The following ZC3H12B variants were observed in gnomAD, a reference collection of about 807,000 sequenced individuals.
ZC3H12B encodes probable ribonuclease ZC3H12B.
Under a neutral mutation model 43.9 loss-of-function variants are expected in ZC3H12B, and 7 were observed. The observed-to-expected ratio is 0.16, with a 90% CI of 0.09 to 0.30. The LOEUF (loss-of-function observed/expected upper bound fraction) is 0.30. Among genes scored for constraint, ZC3H12B ranks in the 10% least tolerant of loss-of-function variants. ZC3H12B has a pLI of 1.00. For missense variants in ZC3H12B, 475 were observed against 670.2 expected (o/e 0.71, Z 3.22); for synonymous variants, 222 against 241.7 (o/e 0.92, Z 0.76).
chrX:65,255,300 A>G, the ZC3H12B span, among the ~76,000 whole-genome samples: 1 of 111,822 alleles, frequency 8.9e-6, no homozygotes, highest in African/African-American at 3.3e-5. Context: ...TAAGTCAGCT[A>G]GAGAGAAGAG....
At chrX:65,337,296 G>C in the ZC3H12B span, among the ~76,000 whole-genome samples, 2 of 111,888 alleles carry the variant, frequency 1.8e-5, no homozygotes, top group Non-Finnish European at 3.8e-5. Flanking sequence ...TCCCAATCTA[G>C]ACCCCATGAG....
At chrX:65,172,711 G>C in the ZC3H12B span, among the ~76,000 whole-genome samples, 2 of 111,829 alleles carry the variant, frequency 1.8e-5, no homozygotes, top group Non-Finnish European at 3.8e-5. Context: ...TTTCTGTCAG[G>C]TTTGTCAAAG....
the ZC3H12B span, among the ~76,000 whole-genome samples, chrX:65,181,235 C>T: frequency 0.14 from 15,929 of 111,136 alleles, 2,729 homozygotes; most frequent in African/African-American, 0.49. Flanking sequence ...CTTTTTATAC[C>T]TTATGCAAAA....
chrX:65,156,733 C>T, the ZC3H12B span, among the ~76,000 whole-genome samples: 1 of 110,638 alleles, frequency 9.0e-6, no homozygotes, highest in Non-Finnish European at 1.9e-5. Flanking sequence ...CCAGGCTGAT[C>T]TCTAACTCCT....
the ZC3H12B span, among the ~76,000 whole-genome samples, chrX:65,229,509 G>T: frequency 2.7e-5 from 3 of 110,430 alleles, no homozygotes; most frequent in South Asian, 1.2e-3. Context: ...AAAAGCAATG[G>T]CAACAAAAGC....
chrX:65,435,880 G>A (rs1469748630), intron 3 of ZC3H12B, among the ~76,000 whole-genome samples: 1 of 112,073 alleles, frequency 8.9e-6, no homozygotes, highest in African/African-American at 3.2e-5. Context: ...TCAATCAAAG[G>A]CTAAGTGTCT....
At chrX:65,193,031 C>G in the ZC3H12B span, among the ~76,000 whole-genome samples, 1 of 110,455 alleles carries the variant, frequency 9.1e-6, no homozygotes, top group Non-Finnish European at 1.9e-5. Flanking sequence ...CTCAGCCTCC[C>G]AATGTGCTGG....
At chrX:65,449,022 A>AGAAGGAAAGAAAGAAAGAAG (rs1364519787) in intron 3 of ZC3H12B, among the ~76,000 whole-genome samples, 2 of 103,245 alleles carry the variant, frequency 1.9e-5, no homozygotes, top group African/African-American at 3.8e-5. Flanking sequence ...AAGGAAGGAA[A>AGAAGGAAAGAAAGAAAGAAG]GAAGGAAAGA....
intron 2 of ZC3H12B, among the ~76,000 whole-genome samples, chrX:65,392,698 G>A (rs1046466949): frequency 8.9e-6 from 1 of 112,972 alleles, no homozygotes; most frequent in African/African-American, 3.2e-5. Context: ...TGCCACGTCT[G>A]GGAAGTGAGG....
the ZC3H12B span, among the ~76,000 whole-genome samples, chrX:65,123,604 T>A: frequency 9.2e-6 from 1 of 108,576 alleles, no homozygotes; most frequent in African/African-American, 3.5e-5. Context: ...ATTCTACCCA[T>A]CCATGAGCAT....
the ZC3H12B span, among the ~76,000 whole-genome samples, chrX:65,312,923 C>T: frequency 9.0e-6 from 1 of 111,148 alleles, no homozygotes; most frequent in African/African-American, 3.3e-5. Context: ...ATTCTGTGGC[C>T]CAGGCTGGAG....
At chrX:65,323,795 T>C in the ZC3H12B span, among the ~76,000 whole-genome samples, 1 of 112,055 alleles carries the variant, frequency 8.9e-6, no homozygotes, top group Non-Finnish European at 1.9e-5. Flanking sequence ...GTTGAACTAA[T>C]TTACACTCCC....
chrX:65,268,857 T>G, the ZC3H12B span, among the ~76,000 whole-genome samples: 1 of 112,163 alleles, frequency 8.9e-6, no homozygotes, highest in Non-Finnish European at 1.9e-5. Context: ...CTCTCACTAC[T>G]TCTATTTATC....
At chrX:65,220,808 A>G in the ZC3H12B span, among the ~76,000 whole-genome samples, 249 of 111,929 alleles carry the variant, frequency 2.2e-3, 1 homozygote, top group Non-Finnish European at 3.2e-3. Context: ...CAGAAAGTAA[A>G]CAAAGGAACA....
the ZC3H12B span, among the ~76,000 whole-genome samples, chrX:65,087,120 T>A: frequency 1.8e-5 from 2 of 110,439 alleles, no homozygotes; most frequent in Non-Finnish European, 3.8e-5. Flanking sequence ...TACATTTAGC[T>A]CCGATACCCA....
intron 3 of ZC3H12B, among the ~76,000 whole-genome samples, chrX:65,451,732 C>G (rs2067516602): frequency 8.9e-6 from 1 of 111,964 alleles, no homozygotes; most frequent in South Asian, 3.7e-4. Flanking sequence ...CTAGCTCAGC[C>G]TGGTTAGAGA....
At chrX:65,050,676 G>A in the ZC3H12B span, among the ~76,000 whole-genome samples, 1 of 111,344 alleles carries the variant, frequency 9.0e-6, no homozygotes, top group South Asian at 3.7e-4. Context: ...CTATTGAGAT[G>A]ACCATGGAAT....
At chrX:65,132,168 G>T in the ZC3H12B span, among the ~76,000 whole-genome samples, 1 of 111,376 alleles carries the variant, frequency 9.0e-6, no homozygotes, top group Admixed American at 9.5e-5. Context: ...TGTGGAGGAA[G>T]GTATTGAGGA....
chrX:65,082,692 C>T, the ZC3H12B span, among the ~76,000 whole-genome samples: 13 of 111,107 alleles, frequency 1.2e-4, no homozygotes, highest in Admixed American at 2.9e-4. Context: ...CTTTAAAGAA[C>T]GAAAAGCAAT....
Sources: gnomAD v4.1 joint callset for allele counts (sites outside exome capture counted in the v4.1 genomes callset) on GRCh38, gnomAD v4.1.1 for gene constraint, MANE v1.5 for transcripts, NCBI Gene and HGNC (gene_info 2026-07-23, HGNC 2026-07-21) for gene names.